The following SP100 variants were observed in gnomAD, a reference collection of about 807,000 sequenced individuals.
SP100 encodes the protein nuclear autoantigen Sp-100.
A neutral mutation model predicts 130.0 loss-of-function variants in SP100; 84 were observed. The observed-to-expected ratio is 0.65, with a 90% CI of 0.54 to 0.77. The LOEUF (loss-of-function observed/expected upper bound fraction) is 0.77. Among genes scored for constraint, SP100 ranks in the 30% least tolerant of loss-of-function variants. SP100 has a pLI of 0.00. For missense variants in SP100, 978 were observed against 1,052.2 expected (o/e 0.93, Z 0.97); for synonymous variants, 331 against 351.7 (o/e 0.94, Z 0.66).
chr2:230,502,384 T>C (rs1575760552), intron 19 of SP100, among the ~76,000 whole-genome samples: 1 of 152,344 alleles, frequency 6.6e-6, no homozygotes, highest in East Asian at 1.9e-4. Flanking sequence ...GAGGTCTGTC[T>C]TGAGACCTTA....
intron 2 of SP100, among the ~76,000 whole-genome samples, chr2:230,424,653 A>G (rs933042080): frequency 2.1e-5 from 3 of 141,160 alleles, no homozygotes; most frequent in Non-Finnish European, 4.5e-5. Flanking sequence ...TGGGCAACAG[A>G]GTGAGACTCC....
At chr2:230,493,640 T>C (rs1481168393) in intron 17 of SP100, among the ~76,000 whole-genome samples, 4 of 152,148 alleles carry the variant, frequency 2.6e-5, no homozygotes, top group African/African-American at 7.2e-5. Flanking sequence ...TAAATTTGTC[T>C]TCATTTCTCT....
Position 230,511,111 on chromosome 2 carries a change from GT to G in SP100, c.2053-7del, listed in dbSNP as rs755932325. 6.3e-6 allele frequency: 10 copies of G among 1,584,126 alleles called. No homozygotes were observed. Among genetic ancestry groups the G allele is most frequent in the South Asian group, 1.1e-5 (1 of 90,428 alleles). ...CACTCAATATTGTACCAATCTTTCT[GT>G]TTTTTTCAACAGAGAATACTGGAAT... On this transcript the variant is annotated splice_polypyrimidine_tract_variant and intron_variant, in intron 23 of 28. Transcript: ENST00000340126.
At chr2:230,467,303 C>T in intron 13 of SP100, 88 bp downstream of exon 13, 1 of 914,468 alleles carries the variant, frequency 1.1e-6, no homozygotes, top group South Asian at 1.4e-5. Flanking sequence ...CAACAGCTAT[C>T]CAGGAGCCAG....
intron 17 of SP100, chr2:230,493,877 T>C (rs1245031962): frequency 2.0e-5 from 3 of 153,794 alleles, no homozygotes; most frequent in Non-Finnish European, 4.3e-5. Context: ...CAAGCAATTG[T>C]CCTGCCTCAG....
chr2:230,502,752 G>T (rs1179576337), intron 19 of SP100, among the ~76,000 whole-genome samples: 1 of 152,138 alleles, frequency 6.6e-6, no homozygotes, highest in Non-Finnish European at 1.5e-5. Context: ...TAGATCAGAG[G>T]TCAGCAAAGT....
At chr2:230,455,119 G>C (rs10178594) in intron 8 of SP100, among the ~76,000 whole-genome samples, 37,228 of 151,972 alleles carry the variant, frequency 0.24, 4,849 homozygotes, top group African/African-American at 0.33. Context: ...CTGTCACCCA[G>C]ACTGGAGTGC....
chr2:230,498,456 C>T lies in SP100; in HGVS notation c.1646-5C>T. 6.7e-7 allele frequency: 1 copy of T among 1,484,704 alleles called. No individual in the cohort carries two copies. The highest frequency in any genetic ancestry group is 1.4e-5 in the South Asian group (1 of 72,798). 92.0% of individuals were successfully genotyped at this position (1,484,704 alleles called of 1,614,324 possible). A position where few individuals can be genotyped will look rare whatever the true frequency, so the allele number is the denominator to read the frequency against. ...ATCCATATTTATATTTTCCTATTTT[C>T]TCAGGGAGAAAGAAAGACAGACCTA... On this transcript the variant is annotated splice_polypyrimidine_tract_variant and splice_region_variant and intron_variant, in intron 18 of 28. Coordinates refer to ENST00000340126, the MANE Select transcript of SP100 (RefSeq NM_001080391.2).
In SP100 at chr2:230,540,898, T is replaced by C; in HGVS notation, c.2233T>C (p.Cys745Arg). The part of the protein sequence containing the change: ...ANKNPWSCIF[C>R]RIKTIQERCP... ...CAGGAACCCGTGGAGTTGCATCTTC[T>C]GCAGGATAAAGACTATTCAGGAAAG... is the stretch of plus-strand genomic sequence containing the variant. The change falls in exon 26 of 29, where the codon TGC becomes CGC. Residue 745 changes from cysteine to arginine, a missense_variant. Transcript: ENST00000340126. 1 of 1,612,594 alleles carries C rather than the reference T, an allele frequency of 6.2e-7. No individual in the cohort carries two copies. Among genetic ancestry groups the C allele is most frequent in the Non-Finnish European group, 8.5e-7 (1 of 1,178,918 alleles).
chr2:230,496,668 A>G (rs1389078996), intron 18 of SP100, among the ~76,000 whole-genome samples: 1 of 152,190 alleles, frequency 6.6e-6, no homozygotes, highest in Non-Finnish European at 1.5e-5. Context: ...TGAGTTCTTC[A>G]GAGACACTCA....
chr2:230,468,918 G>A (rs2065119824), intron 13 of SP100, 125 bp from the exon 14 acceptor site: 2 of 557,528 alleles, frequency 3.6e-6, no homozygotes, highest in African/African-American at 3.9e-5. Context: ...CCCTTAGATG[G>A]GAAGAGACAG....
At chr2:230,447,222 C>T (rs999270780) in intron 5 of SP100, among the ~76,000 whole-genome samples, 3 of 152,106 alleles carry the variant, frequency 2.0e-5, no homozygotes, top group East Asian at 1.9e-4. Flanking sequence ...AACCACAGCC[C>T]GTGGCCCGTG....
chr2:230,459,525 C>G lies in SP100; in HGVS notation c.821-1737C>G, dbSNP rs965416959. Among the ~76,000 whole-genome samples the G allele has an allele frequency of 2.0e-5, 3 of 152,186 alleles. No individual in the cohort carries two copies. In the South Asian group the frequency reaches 6.2e-4, roughly 31 times the overall value. ...GACCTGTCCTGTTGACTCCCTTCCC[C>G]AATTGCCTGAAGACCTTTATTTAAA... On this transcript the variant is annotated intron_variant, in intron 8 of 28. Transcript: ENST00000340126.
intron 24 of SP100, among the ~76,000 whole-genome samples, chr2:230,534,506 C>T (rs1691841755): frequency 6.6e-6 from 1 of 152,230 alleles, no homozygotes; most frequent in African/African-American, 2.4e-5. Context: ...ATTTGACAGA[C>T]TTTCCAAGAG....
intron 18 of SP100, among the ~76,000 whole-genome samples, chr2:230,494,957 T>C (rs2066584689): frequency 6.6e-6 from 1 of 152,224 alleles, no homozygotes; most frequent in Non-Finnish European, 1.5e-5. Flanking sequence ...GGAATGATTA[T>C]GGGTGACAAA....
chr2:230,526,502 T>A (rs1410265014), intron 24 of SP100, among the ~76,000 whole-genome samples: 3 of 152,160 alleles, frequency 2.0e-5, no homozygotes, highest in Admixed American at 2.0e-4. Flanking sequence ...AGAGCGCCTC[T>A]TCTCCTCCAA....
chr2:230,468,433 C>T (rs1345112707), intron 13 of SP100, among the ~76,000 whole-genome samples: 6 of 152,244 alleles, frequency 3.9e-5, no homozygotes, highest in East Asian at 1.9e-4. Context: ...AGATTTTACA[C>T]GGACTCATGG....
At position 230,466,197 on chromosome 2, in the gene SP100, A is replaced by C. The variant is rs539539020; in HGVS notation, c.1142-104A>C. ...AAGACTCCATCTCAAAAAAAAAAAA[A>C]AAAAAACTTTGTTATTAACCCAAGC... On this transcript the variant is annotated intron_variant, in intron 11 of 28. Coordinates refer to ENST00000340126, the MANE Select transcript of SP100 (RefSeq NM_001080391.2). 1.2e-5 allele frequency: 7 copies of C among 586,070 alleles called. No individual in the cohort carries two copies. In the East Asian group the frequency reaches 1.8e-4, roughly 15 times the overall value. The allele number at this position is 586,070 out of a possible 1,614,324, so 36.3% of individuals were successfully genotyped here.
chr2:230,463,524 C>T (rs1288321007), intron 10 of SP100: 1 of 152,308 alleles, frequency 6.6e-6, no homozygotes, highest in Non-Finnish European at 1.5e-5. Context: ...TACATTCATT[C>T]TAATTGCTCA....
Sources: gnomAD v4.1 joint callset for allele counts (sites outside exome capture counted in the v4.1 genomes callset) on GRCh38, gnomAD v4.1.1 for gene constraint, MANE v1.5 for transcripts, NCBI Gene and HGNC (gene_info 2026-07-23, HGNC 2026-07-21) for gene names.